Variants in ENTPD5 observed in about 807,000 individuals in gnomAD.
The protein encoded by ENTPD5 is ectonucleoside triphosphate diphosphohydrolase 5 (inactive), also known as nucleoside diphosphate phosphatase ENTPD5.
Under a neutral mutation model 60.2 loss-of-function variants are expected in ENTPD5, and 49 were observed. The ratio of observed to expected loss-of-function variants is 0.81; its 90% confidence interval spans 0.65 to 1.03. The LOEUF is 1.03. Among genes scored for constraint, ENTPD5 ranks in the 50% least tolerant of loss-of-function variants. ENTPD5 has a pLI of 0.00. For synonymous variants in ENTPD5, 187 were observed against 185.4 expected, an observed-to-expected ratio of 1.01 and a Z score of -0.07; for missense variants, 480 against 507.6, an observed-to-expected ratio of 0.95 and a Z score of 0.52.
intron 14 of ENTPD5, among the ~76,000 whole-genome samples, chr14:73,971,400 G>A (rs1365327619): frequency 2.6e-5 from 4 of 152,034 alleles, no homozygotes; most frequent in East Asian, 1.9e-4. Context: ...CAGGTGATCC[G>A]CCCACCTTGG....
At chr14:73,995,135 G>A (rs959963319) in intron 3 of ENTPD5, among the ~76,000 whole-genome samples, 11 of 149,304 alleles carry the variant, frequency 7.4e-5, no homozygotes, top group South Asian at 2.1e-4. Context: ...TGCAACCTCC[G>A]CCTCCCGGGT....
At chr14:73,970,766 C>T (rs2057188629) in intron 14 of ENTPD5, among the ~76,000 whole-genome samples, 1 of 152,110 alleles carries the variant, frequency 6.6e-6, no homozygotes, top group South Asian at 2.1e-4. Flanking sequence ...TCATTTAACC[C>T]TACTGTGGGC....
At chr14:74,008,841 T>A (rs1469137708) in intron 3 of ENTPD5, 1 of 152,228 alleles carries the variant, frequency 6.6e-6, no homozygotes, top group Non-Finnish European at 1.5e-5. Flanking sequence ...GGATATATCC[T>A]TTAAGGTCTA....
In ENTPD5 at chr14:74,011,108, C is replaced by T. The variant is rs895076945; in HGVS notation, c.-88G>A. On this transcript the variant is annotated 5_prime_UTR_variant, in exon 3 of 16. Coordinates refer to ENST00000334696, the MANE Select transcript of ENTPD5 (RefSeq NM_001249.5). ...TTACTTACCAATTTTTTCTTTCCTT[C>T]TGAATTTTCTCCTTGGTTCCTTTAT... The T allele has an allele frequency of 1.2e-6, 1 of 868,598 alleles. No homozygotes were observed. The highest frequency in any genetic ancestry group is 6.2e-5 in the Admixed American group (1 of 16,098). 53.8% of individuals were successfully genotyped at this position (868,598 alleles called of 1,614,324 possible).
At chr14:73,993,934 AC>A (rs756928944) in intron 3 of ENTPD5, among the ~76,000 whole-genome samples, 2,111 of 63,670 alleles carry the variant, frequency 0.033, 75 homozygotes, top group African/African-American at 0.063. Context: ...ACAAAAAAAA[AC>A]AAACAAAAAA....
chr14:73,969,875 G>C, intron 15 of ENTPD5, 135 bp downstream of exon 15: 1 of 639,612 alleles, frequency 1.6e-6, no homozygotes, highest in South Asian at 1.8e-5. Context: ...GCCCAGCACA[G>C]TACCTTGTCC....
chr14:73,978,306 A>C (rs956598874), intron 6 of ENTPD5, among the ~76,000 whole-genome samples: 3 of 148,688 alleles, frequency 2.0e-5, no homozygotes, highest in Non-Finnish European at 4.4e-5. Flanking sequence ...TCCTTGGCTC[A>C]AAACCTTCCA....
chr14:73,970,218 G>A (rs1427387378), intron 14 of ENTPD5, 93 bp from the exon 15 acceptor site: 19 of 862,836 alleles, frequency 2.2e-5, no homozygotes, highest in Non-Finnish European at 3.2e-5. Flanking sequence ...GGGGCCAGGC[G>A]CGGTGGCTCA....
chr14:73,957,535 C>T (rs2056497682), downstream of ENTPD5, among the ~76,000 whole-genome samples: 1 of 152,120 alleles, frequency 6.6e-6, no homozygotes, highest in Non-Finnish European at 1.5e-5. Context: ...GGTGCAGTGG[C>T]TTAACAATCC....
At chr14:74,017,974 G>A (rs1006506569) in intron 1 of ENTPD5, among the ~76,000 whole-genome samples, 1 of 151,926 alleles carries the variant, frequency 6.6e-6, no homozygotes, top group African/African-American at 2.4e-5. Flanking sequence ...CTGAGGCCAG[G>A]AGTTCGAGAC....
At chr14:73,976,296 C>G (rs2057441974) in intron 9 of ENTPD5, 28 bp downstream of exon 9, 2 of 1,602,124 alleles carry the variant, frequency 1.2e-6, no homozygotes, top group Non-Finnish European at 1.7e-6. Context: ...AAGTGCACTT[C>G]TAACCAGATC....
chr14:73,956,283 A>G (rs752363258), downstream of ENTPD5: 18 of 259,974 alleles, frequency 6.9e-5, no homozygotes, highest in South Asian at 2.4e-4. Context: ...AGCCGAGATC[A>G]CGCCACTGCA....
chr14:73,983,849 C>T (rs1427645807), intron 5 of ENTPD5, among the ~76,000 whole-genome samples: 2 of 151,454 alleles, frequency 1.3e-5, no homozygotes, highest in Non-Finnish European at 2.9e-5. Flanking sequence ...TGCCACCACA[C>T]CCAGATAATT....
intron 3 of ENTPD5, among the ~76,000 whole-genome samples, chr14:73,994,282 C>T (rs2058254856): frequency 6.6e-6 from 1 of 151,916 alleles, no homozygotes; most frequent in Non-Finnish European, 1.5e-5. Flanking sequence ...CATACCACCA[C>T]ACCTGGCTAA....
At chr14:73,983,438 C>T (rs2057772874) in intron 5 of ENTPD5, among the ~76,000 whole-genome samples, 1 of 151,990 alleles carries the variant, frequency 6.6e-6, no homozygotes, top group Non-Finnish European at 1.5e-5. Flanking sequence ...GCCTGACCAA[C>T]ATGGTGAAAC....
At chr14:73,960,032 T>C, downstream of ENTPD5, 1 of 1,011,410 alleles carries the variant, frequency 9.9e-7, no homozygotes, top group Non-Finnish European at 1.2e-6. Context: ...TGGGCTGCTG[T>C]TAGGCTGACT....
Position 73,980,273 on chromosome 14 carries a change from T to A in ENTPD5, c.441+2745A>T, listed in dbSNP as rs1418961760. Among the ~76,000 whole-genome samples the A allele has an allele frequency of 6.0e-5, 9 of 150,092 alleles. No homozygotes were observed. In the Admixed American group the frequency reaches 6.0e-4, roughly 10 times the overall value. On this transcript the variant is annotated intron_variant, in intron 6 of 15. Coordinates refer to ENST00000334696, the MANE Select transcript of ENTPD5 (RefSeq NM_001249.5). ...ACTATGATTTTCAGTTTCAATCTTT[T>A]TTTTTTTTTGAGACAGAGTCTCGCT...
intron 3 of ENTPD5, among the ~76,000 whole-genome samples, chr14:74,009,364 T>C (rs1343377774): frequency 6.6e-6 from 1 of 152,220 alleles, no homozygotes; most frequent in East Asian, 1.9e-4. Context: ...CTGGGCACCG[T>C]TTATATTGGA....
intron 6 of ENTPD5, among the ~76,000 whole-genome samples, chr14:73,978,294 T>C (rs2057527969): frequency 6.7e-6 from 1 of 148,580 alleles, no homozygotes; most frequent in African/African-American, 2.6e-5. Context: ...AAATCATGTG[T>C]TTCCTTGGCT....
Sources: allele counts gnomAD v4.1 joint callset (sites outside exome capture counted in the v4.1 genomes callset), GRCh38; gene constraint gnomAD v4.1.1; transcripts MANE v1.5; gene names NCBI Gene and HGNC (gene_info 2026-07-23, HGNC 2026-07-21).